CTNNA2: variants seen among roughly 807,000 people sequenced by gnomAD.
The protein encoded by CTNNA2 is catenin alpha 2.
CTNNA2 carries 42 observed loss-of-function variants against 101.0 expected under a neutral mutation model. The ratio of observed to expected loss-of-function variants is 0.42; its 90% CI spans 0.32 to 0.54. CTNNA2 has a LOEUF of 0.54. Among genes scored for constraint, CTNNA2 ranks in the 20% least tolerant of loss-of-function variants. CTNNA2 has a pLI of 0.14. For synonymous variants in CTNNA2, 450 were observed against 456.4 expected (o/e 0.99, Z 0.18); for missense variants, 871 against 1,223.1 (o/e 0.71, Z 4.29).
At chr2:79,767,648 A>G (rs1458497154) in intron 3 of CTNNA2, among the ~76,000 whole-genome samples, 2 of 151,940 alleles carry the variant, frequency 1.3e-5, no homozygotes, top group African/African-American at 4.8e-5. Flanking sequence ...AATTTTCTGT[A>G]TTATTAGGCA....
At chr2:79,777,325 TTATGTGTGTGTGTGTG>T (rs148124116) in intron 3 of CTNNA2, among the ~76,000 whole-genome samples, 30 of 124,438 alleles carry the variant, frequency 2.4e-4, no homozygotes, top group African/African-American at 8.4e-4. Flanking sequence ...CAAACACTTG[TTATGTGTGTGTGTGTG>T]TGTGTGTGTG....
intron 2 of CTNNA2, among the ~76,000 whole-genome samples, chr2:79,226,228 C>T (rs1396772039): frequency 6.6e-6 from 1 of 152,106 alleles, no homozygotes; most frequent in Non-Finnish European, 1.5e-5. Context: ...ATGATGTACT[C>T]ATGAAAAATA....
intron 18 of CTNNA2, among the ~76,000 whole-genome samples, chr2:80,631,880 TTTGTTG>T (rs138584047): frequency 1.3e-5 from 2 of 152,074 alleles, no homozygotes; most frequent in South Asian, 2.1e-4. Context: ...TGTAGTACTT[TTTGTTG>T]TTGTTGTTGT....
At chr2:79,320,934 A>G (rs1450193003) in intron 3 of CTNNA2, among the ~76,000 whole-genome samples, 1 of 152,208 alleles carries the variant, frequency 6.6e-6, no homozygotes, top group African/African-American at 2.4e-5. Context: ...AAAACACACC[A>G]AAGACTAACT....
At chr2:80,066,343 A>G (rs1697986097) in intron 7 of CTNNA2, among the ~76,000 whole-genome samples, 1 of 152,160 alleles carries the variant, frequency 6.6e-6, no homozygotes, top group Non-Finnish European at 1.5e-5. Context: ...AGAGGTTAAT[A>G]CCTAAAATAT....
intron 2 of CTNNA2, among the ~76,000 whole-genome samples, chr2:79,307,248 G>A (rs1049432090): frequency 2.6e-5 from 4 of 152,040 alleles, no homozygotes; most frequent in Admixed American, 6.5e-5. Context: ...GGGAATGTTC[G>A]ACATCCTCCT....
chr2:79,252,718 C>G (rs1438248324), intron 2 of CTNNA2, among the ~76,000 whole-genome samples: 2 of 152,018 alleles, frequency 1.3e-5, no homozygotes, highest in African/African-American at 4.8e-5. Context: ...TTCTATTACA[C>G]TAATGTTGTG....
chr2:80,591,514 C>T (rs1278836678), intron 15 of CTNNA2, among the ~76,000 whole-genome samples: 2 of 131,334 alleles, frequency 1.5e-5, no homozygotes, highest in Admixed American at 8.8e-5. Flanking sequence ...TTCTTTGTGG[C>T]CTCTCACCTA....
chr2:80,555,647 C>G, intron 11 of CTNNA2, 46 bp from the exon 12 acceptor site: 1 of 1,202,838 alleles, frequency 8.3e-7, no homozygotes. Flanking sequence ...TGGTTAAGTT[C>G]TGAGTTATGT....
intron 12 of CTNNA2, among the ~76,000 whole-genome samples, chr2:80,571,470 A>T (rs903974874): frequency 4.6e-5 from 7 of 152,230 alleles, no homozygotes; most frequent in Non-Finnish European, 7.3e-5. Flanking sequence ...AAAAGAACAA[A>T]GACTAATAAA....
At chr2:80,114,659 A>T (rs142366542) in intron 7 of CTNNA2, among the ~76,000 whole-genome samples, 27 of 152,328 alleles carry the variant, frequency 1.8e-4, no homozygotes, top group Non-Finnish European at 3.4e-4. Context: ...CAGGAGTTGG[A>T]TAGAAGCTAC....
upstream of CTNNA2, among the ~76,000 whole-genome samples, chr2:79,509,666 T>C (rs566394877): frequency 6.6e-6 from 1 of 152,216 alleles, no homozygotes; most frequent in South Asian, 2.1e-4. Context: ...TATGATACCA[T>C]AGTGGTGGAT....
At chr2:79,679,946 A>T (rs1325271503) in intron 2 of CTNNA2, among the ~76,000 whole-genome samples, 2 of 152,122 alleles carry the variant, frequency 1.3e-5, no homozygotes, top group Non-Finnish European at 2.9e-5. Context: ...CTGTTTCTAC[A>T]CTAAATGTTA....
At chr2:80,061,792 C>G (rs1190055927) in intron 7 of CTNNA2, among the ~76,000 whole-genome samples, 1 of 152,088 alleles carries the variant, frequency 6.6e-6, no homozygotes, top group Non-Finnish European at 1.5e-5. Flanking sequence ...GATGTGGCCT[C>G]CACTCTGTAA....
intron 9 of CTNNA2, among the ~76,000 whole-genome samples, chr2:80,429,989 G>C (rs373507938): frequency 6.6e-6 from 1 of 152,140 alleles, no homozygotes; most frequent in Non-Finnish European, 1.5e-5. Flanking sequence ...ACTATAAAGC[G>C]TAGAGCCATG....
chr2:79,662,757 A>G (rs1431768822), intron 2 of CTNNA2, among the ~76,000 whole-genome samples: 2 of 152,204 alleles, frequency 1.3e-5, no homozygotes, highest in Non-Finnish European at 2.9e-5. Flanking sequence ...ACATAACTAA[A>G]GAGGGAAGGC....
intron 3 of CTNNA2, among the ~76,000 whole-genome samples, chr2:79,769,050 T>A (rs1421736402): frequency 3.3e-5 from 5 of 151,890 alleles, no homozygotes; most frequent in African/African-American, 1.2e-4. Context: ...AGAGAAGAGG[T>A]TTCATCATGT....
At chr2:80,132,822 A>T (rs909972235) in intron 7 of CTNNA2, among the ~76,000 whole-genome samples, 1 of 152,188 alleles carries the variant, frequency 6.6e-6, no homozygotes, top group African/African-American at 2.4e-5. Context: ...AAAAAGAAAA[A>T]ATAAGTGATT....
intron 9 of CTNNA2, among the ~76,000 whole-genome samples, chr2:80,492,765 C>T (rs1687163371): frequency 6.6e-6 from 1 of 152,170 alleles, no homozygotes; most frequent in African/African-American, 2.4e-5. Context: ...GGCTGGAATG[C>T]TTTGCCCTAC....
Sources: allele counts gnomAD v4.1 joint callset (sites outside exome capture counted in the v4.1 genomes callset), GRCh38; gene constraint gnomAD v4.1.1; transcripts MANE v1.5; gene names NCBI Gene and HGNC (gene_info 2026-07-23, HGNC 2026-07-21).